MAP2K5: variants seen among roughly 807,000 people sequenced by gnomAD.
MAP2K5 encodes mitogen-activated protein kinase kinase 5, also known as dual specificity mitogen-activated protein kinase kinase 5.
In MAP2K5, 49 loss-of-function variants were observed where a neutral mutation model predicts 83.1. The ratio of observed to expected loss-of-function variants is 0.59; its 90% CI spans 0.47 to 0.75. MAP2K5 has a LOEUF of 0.75. MAP2K5 is among the 30% of genes least tolerant of loss of function. MAP2K5 has a pLI of 0.00. For missense variants in MAP2K5, 457 were observed against 557.5 expected (o/e 0.82, Z 1.82); for synonymous variants, 202 against 191.8 (o/e 1.05, Z -0.44).
At chr15:67,796,504 C>G (rs1235946071) in intron 21 of MAP2K5, among the ~76,000 whole-genome samples, 1 of 152,174 alleles carries the variant, frequency 6.6e-6, no homozygotes, top group Non-Finnish European at 1.5e-5. Context: ...AGGTGCCACA[C>G]ACTTTTAAAG....
At chr15:67,549,021 T>G in intron 1 of MAP2K5, 1 of 1,452,038 alleles carries the variant, frequency 6.9e-7, no homozygotes, top group Non-Finnish European at 9.0e-7. Flanking sequence ...CTCTGCTAAG[T>G]GCCCTGCTTG....
Position 67,758,925 on chromosome 15 carries a change from T to A in MAP2K5, c.1134+10324T>A, listed in dbSNP as rs980853680. On this transcript the variant is annotated intron_variant, in intron 19 of 21. Transcript: ENST00000178640. The surrounding 1 kb of genome is among the most constrained non-coding windows in gnomAD (Gnocchi z 4.7). The stretch of plus-strand genomic sequence containing the variant: ...TTATACAGCTGTGAAAGAAGACAAC[T>A]TAGCATTGCAGACATGCTCAAAGGG... Among the ~76,000 whole-genome samples the A allele has an allele frequency of 1.8e-4, 27 of 152,228 alleles. No individual in the cohort carries two copies. Among genetic ancestry groups the A allele is most frequent in the African/African-American group, 6.5e-4 (27 of 41,454 alleles).
Position 67,748,216 on chromosome 15 carries a change from A to G in MAP2K5, c.1075-15A>G, listed in dbSNP as rs1294873455. The G allele has an allele frequency of 6.3e-7, 1 of 1,593,726 alleles. No homozygotes were observed. Among genetic ancestry groups the G allele is most frequent in the Non-Finnish European group, 8.6e-7 (1 of 1,162,166 alleles). ...TTTGATTATGACATGCTAATTACAT[A>G]TTGCCTTTTTTCAGATTCAGAAAAA... On this transcript the variant is annotated splice_polypyrimidine_tract_variant and intron_variant, in intron 17 of 21. Transcript: ENST00000178640. This position sits in a 1 kb window ranked among gnomAD's most constrained non-coding sequence, Gnocchi z 4.0.
intron 16 of MAP2K5, among the ~76,000 whole-genome samples, chr15:67,723,818 G>C (rs1316717171): frequency 6.6e-6 from 1 of 151,472 alleles, no homozygotes; most frequent in Non-Finnish European, 1.5e-5. Flanking sequence ...GATAAAGAGA[G>C]CAAAGATTTC....
intron 21 of MAP2K5, among the ~76,000 whole-genome samples, chr15:67,805,315 C>G (rs1345088231): frequency 6.6e-6 from 1 of 152,174 alleles, no homozygotes; most frequent in East Asian, 1.9e-4. Context: ...TGAGCATTCT[C>G]CTGTCCCCCA....
At chr15:67,711,449 C>T (rs371322753) in intron 16 of MAP2K5, among the ~76,000 whole-genome samples, 21 of 152,298 alleles carry the variant, frequency 1.4e-4, no homozygotes, top group African/African-American at 3.6e-4. Flanking sequence ...CAGTTTCCTC[C>T]TCTTTAGATG....
Position 67,719,478 on chromosome 15 carries a change from T to C in MAP2K5, c.1045-8438T>C, listed in dbSNP as rs2088902054. Among the ~76,000 whole-genome samples, 1 of 152,226 alleles carries C rather than the reference T, an allele frequency of 6.6e-6. No homozygotes were observed. The highest frequency in any genetic ancestry group is 1.5e-5 in the Non-Finnish European group (1 of 68,032). On this transcript the variant is annotated intron_variant, in intron 16 of 21. Transcript: ENST00000178640. The surrounding 1 kb of genome is among the most constrained non-coding windows in gnomAD (Gnocchi z 4.6). ...ACATAAAAGTTTATGATTTATACTT[T>C]GCCCTTAAACAAGTTAAAATTTATA...
chr15:67,700,436 T>C (rs2088385698), intron 15 of MAP2K5, among the ~76,000 whole-genome samples: 1 of 152,236 alleles, frequency 6.6e-6, no homozygotes, highest in Non-Finnish European at 1.5e-5. Flanking sequence ...ATGACAGCTG[T>C]CATGTGAGAG....
intron 13 of MAP2K5, among the ~76,000 whole-genome samples, chr15:67,678,605 A>G (rs913182014): frequency 2.0e-5 from 3 of 152,220 alleles, no homozygotes; most frequent in Non-Finnish European, 2.9e-5. Context: ...CTCAATTGGT[A>G]TGGTTTTTCT....
intron 17 of MAP2K5, among the ~76,000 whole-genome samples, chr15:67,744,755 G>A (rs1328475545): frequency 6.6e-6 from 1 of 152,202 alleles, no homozygotes; most frequent in Non-Finnish European, 1.5e-5. Flanking sequence ...GGACCCACAA[G>A]CAAACTTCTA....
Position 67,790,155 on chromosome 15 carries a change from T to C in MAP2K5, c.1243-16491T>C, listed in dbSNP as rs2090491376. Among the ~76,000 whole-genome samples the C allele has an allele frequency of 1.3e-5, 2 of 151,658 alleles. No homozygotes were observed. Among genetic ancestry groups the C allele is most frequent in the South Asian group, 4.2e-4 (2 of 4,722 alleles). On this transcript the variant is annotated intron_variant, in intron 21 of 21. Transcript: ENST00000178640. The surrounding 1 kb of genome is among the most constrained non-coding windows in gnomAD (Gnocchi z 4.6). The stretch of plus-strand genomic sequence containing the variant: ...ATTGCAAGGCAGAGCTGGATTGAAC[T>C]TCCTTTAAAGCAGCCTGTAGACATC...
intron 20 of MAP2K5, among the ~76,000 whole-genome samples, chr15:67,772,373 AAG>A (rs2090158439): frequency 6.6e-6 from 1 of 152,240 alleles, no homozygotes; most frequent in Non-Finnish European, 1.5e-5. Context: ...TTGAGTCAAT[AAG>A]AGAATATTGC....
chr15:67,739,909 C>A (rs958124366), intron 17 of MAP2K5, among the ~76,000 whole-genome samples: 2 of 152,126 alleles, frequency 1.3e-5, no homozygotes, highest in Non-Finnish European at 2.9e-5. Flanking sequence ...ATATGTGGAA[C>A]CAAAACTAAT....
Position 67,572,845 on chromosome 15 carries a change from C to G in MAP2K5, c.253-7909C>G, listed in dbSNP as rs1053880130. On this transcript the variant is annotated intron_variant, in intron 3 of 21. Coordinates refer to ENST00000178640, the MANE Select transcript of MAP2K5 (RefSeq NM_145160.3). This position sits in a 1 kb window ranked among gnomAD's most constrained non-coding sequence, Gnocchi z 4.2. ...TCCTGAGTAGCTGGGACTACAGGCA[C>G]CTGCTACCACGCCCAGCTAAGTTTT... Among the ~76,000 whole-genome samples, 1 of 151,984 alleles carries G rather than the reference C, an allele frequency of 6.6e-6. No homozygotes were observed. Among genetic ancestry groups the G allele is most frequent in the Non-Finnish European group, 1.5e-5 (1 of 68,014 alleles).
intron 1 of MAP2K5, among the ~76,000 whole-genome samples, chr15:67,549,412 A>C (rs571491346): frequency 3.3e-5 from 5 of 152,208 alleles, no homozygotes; most frequent in Non-Finnish European, 5.9e-5. Context: ...TGTTTGTGTT[A>C]AATGTGGCAT....
At position 67,749,597 on chromosome 15, in the gene MAP2K5, C is replaced by T. The variant is rs986571026; in HGVS notation, c.1134+996C>T. On this transcript the variant is annotated intron_variant, in intron 19 of 21. Coordinates refer to ENST00000178640, the MANE Select transcript of MAP2K5 (RefSeq NM_145160.3). This position sits in a 1 kb window ranked among gnomAD's most constrained non-coding sequence, Gnocchi z 4.6. ...TAGGAAAAAAATAAACACACACACA[C>T]ATATCACAATAATAGTAAGAGTGGG... Among the ~76,000 whole-genome samples the T allele has an allele frequency of 6.6e-6, 1 of 152,122 alleles. No homozygotes were observed. Among genetic ancestry groups the T allele is most frequent in the Non-Finnish European group, 1.5e-5 (1 of 68,022 alleles).
At chr15:67,617,102 C>A (rs1474685934) in intron 8 of MAP2K5, among the ~76,000 whole-genome samples, 1 of 152,104 alleles carries the variant, frequency 6.6e-6, no homozygotes, top group Non-Finnish European at 1.5e-5. Flanking sequence ...CGCTCCAGGT[C>A]TTTTCTCCAA....
At chr15:67,806,601 G>A (rs371774161) in intron 21 of MAP2K5, 45 bp from the exon 22 acceptor site, 3 of 1,506,672 alleles carry the variant, frequency 2.0e-6, no homozygotes, top group Admixed American at 2.0e-5. Context: ...AATGAGCGCG[G>A]GAGTCCGAGG....
chr15:67,550,872 A>G (rs1265706763), intron 2 of MAP2K5, among the ~76,000 whole-genome samples: 1 of 152,000 alleles, frequency 6.6e-6, no homozygotes, highest in Non-Finnish European at 1.5e-5. Context: ...CCTGGGTTCA[A>G]GCAGTTCTCA....
Sources: allele counts gnomAD v4.1 joint callset (sites outside exome capture counted in the v4.1 genomes callset), GRCh38; gene constraint gnomAD v4.1.1; non-coding constraint Gnocchi (gnomAD v3.1); transcripts MANE v1.5; gene names NCBI Gene and HGNC (gene_info 2026-07-23, HGNC 2026-07-21).